The following ERAP1 variants were observed in gnomAD, a reference collection of about 807,000 sequenced individuals.
The protein encoded by ERAP1 is adipocyte-derived leucine aminopeptidase.
ERAP1 carries 86 observed loss-of-function variants against 103.7 expected under a neutral mutation model. The observed-to-expected ratio is 0.83, with a 90% CI of 0.70 to 0.99. The LOEUF is 0.99. Ranked by LOEUF, ERAP1 falls within the 50% of genes least tolerant of loss-of-function variation. The pLI is 0.00. For synonymous variants in ERAP1, 398 were observed against 402.4 expected (o/e 0.99, Z 0.13); for missense variants, 1,009 against 1,128.4 (o/e 0.89, Z 1.52).
intron 13 of ERAP1, 79 bp from the exon 14 acceptor site, chr5:96,784,159 C>T (rs965937255): frequency 5.0e-5 from 73 of 1,448,680 alleles, no homozygotes; most frequent in Admixed American, 2.9e-4. Context: ...ATATTTTAAT[C>T]TTCTAGCAAA....
At chr5:96,791,723 C>T (rs1776752508) in intron 8 of ERAP1, among the ~76,000 whole-genome samples, 1 of 152,184 alleles carries the variant, frequency 6.6e-6, no homozygotes, top group Non-Finnish European at 1.5e-5. Flanking sequence ...TGCTGAAGGC[C>T]TTGAAAAGTA....
In ERAP1 at chr5:96,774,995, A is replaced by G. The variant is rs1352406972; in HGVS notation, c.*1401T>C. On this transcript the variant is annotated 3_prime_UTR_variant, in exon 19 of 19. Coordinates refer to ENST00000443439, the MANE Select transcript of ERAP1 (RefSeq NM_001040458.3). ...AGTTCAGTTTGAATTCTCCTTTGCC[A>G]GGTGTGAGGATTTCCGCACCTTAGA... is the stretch of plus-strand genomic sequence containing the variant. 6.1e-6 allele frequency: 6 copies of G among 985,456 alleles called. No homozygotes were observed. The East Asian group carries it at 3.3e-4, about 55-fold the overall frequency. 61.0% of individuals were successfully genotyped at this position (985,456 alleles called of 1,614,324 possible).
At chr5:96,769,274 T>G (rs1375084022) in intron 19 of ERAP1, 2 of 152,186 alleles carry the variant, frequency 1.3e-5, no homozygotes, top group African/African-American at 4.8e-5. Context: ...CCCTGGTAAC[T>G]CGTAAGTAAT....
At position 96,783,164 on chromosome 5, in the gene ERAP1, C is replaced by T. The variant is rs1775464866; in HGVS notation, c.2172G>A (p.Glu724=). The T allele has an allele frequency of 1.2e-6, 2 of 1,614,086 alleles. No homozygotes were observed. The highest frequency in any genetic ancestry group is 1.7e-6 in the Non-Finnish European group (2 of 1,180,042). Residue 724 remains glutamate (E), a synonymous_variant, in exon 15 of 19, where the codon GAG becomes GAA. Coordinates refer to ENST00000443439, the MANE Select transcript of ERAP1 (RefSeq NM_001040458.3). ...QTWTDEGSVS[E]RMLRSQLLLL... ...GTAGTAGTTGACTCCGCAGCATTCGCTCTGAGACTGAGCCCTCGTCTGTCC... is the reference window on the plus strand; with the variant it reads ...GTAGTAGTTGACTCCGCAGCATTCGTTCTGAGACTGAGCCCTCGTCTGTCC...
At chr5:96,831,412 T>C in the ERAP1 span, among the ~76,000 whole-genome samples, 21,308 of 152,180 alleles carry the variant, frequency 0.14, 1,609 homozygotes, top group Middle Eastern at 0.24. Context: ...ATCCAAATCA[T>C]ATCACTGGCA....
Position 96,785,883 on chromosome 5 carries a change from T to A in ERAP1, c.1848A>T (p.Gly616=). The A allele has an allele frequency of 6.2e-7, 1 of 1,614,140 alleles. No homozygotes were observed. Among genetic ancestry groups the A allele is most frequent in the Non-Finnish European group, 8.5e-7 (1 of 1,180,012 alleles). The change falls in exon 13 of 19, where the codon GGA becomes GGT. Residue 616 remains glycine, a synonymous_variant. Transcript: ENST00000443439. ...TTAAAAGGCCAGTCAAAGAGTCCCA[T>A]CCATCATCCTCGTAATGCACAATGT... ...GYYIVHYEDD[G]WDSLTGLLKG...
At chr5:96,840,694 CT>C in the ERAP1 span, among the ~76,000 whole-genome samples, 125 of 135,356 alleles carry the variant, frequency 9.2e-4, no homozygotes, top group African/African-American at 3.0e-3. Flanking sequence ...AGGCATTGGA[CT>C]TTTTTTTTCT....
chr5:96,908,748 C>T, the ERAP1 span, among the ~76,000 whole-genome samples: 1 of 152,094 alleles, frequency 6.6e-6, no homozygotes, highest in Non-Finnish European at 1.5e-5. Flanking sequence ...ATTATTATCC[C>T]CATTGTATAA....
chr5:96,776,397 T>TA lies in ERAP1; in HGVS notation c.2824dup (p.Ter942LeufsTer13). ...AGGAACCTGGCAAGGGAGGAATTTTTACATACGTTCAAGCTTTTCACTTTG... is the reference window on the plus strand; with the variant it reads ...AGGAACCTGGCAAGGGAGGAATTTTTAACATACGTTCAAGCTTTTCACTTTG... On this transcript the variant is annotated frameshift_variant and stop_lost, in exon 19 of 19. Transcript: ENST00000443439. LOFTEE classifies it high-confidence loss of function. The TA allele has an allele frequency of 6.2e-7, 1 of 1,603,996 alleles. No individual in the cohort carries two copies.
chr5:96,798,323 T>TAA (rs1777583288), intron 3 of ERAP1, among the ~76,000 whole-genome samples: 1 of 29,926 alleles, frequency 3.3e-5, no homozygotes. Context: ...AGACTCCATC[T>TAA]CAAAAAAAAA....
In ERAP1 at chr5:96,797,262, A is replaced by G; in HGVS notation, c.711T>C (p.Asp237=). 2 of 1,614,210 alleles carry G rather than the reference A, an allele frequency of 1.2e-6. No individual in the cohort carries two copies. The highest frequency in any genetic ancestry group is 8.5e-7 in the Non-Finnish European group (1 of 1,180,018). The change falls in exon 4 of 19, where the codon GAT becomes GAC. Residue 237 remains aspartate, a synonymous_variant. Transcript: ENST00000443439. ...GATAGGTGCTCATCTTCACAGTGAC[A>G]TCAAAATGGTCTTCTATGAGTCCTT... ...VAEGLIEDHF[D]VTVKMSTYLV... is the part of the protein sequence containing the mutation.
the ERAP1 span, among the ~76,000 whole-genome samples, chr5:96,862,262 T>C: frequency 6.6e-6 from 1 of 152,216 alleles, no homozygotes; most frequent in Non-Finnish European, 1.5e-5. Context: ...GTGCTGGGAT[T>C]ACAGGCATGA....
chr5:96,814,335 A>G, the ERAP1 span: 2 of 456,314 alleles, frequency 4.4e-6, no homozygotes, highest in Non-Finnish European at 8.8e-6. Context: ...ATTATGCAAG[A>G]GAATGAATAC....
At chr5:96,843,891 A>G in the ERAP1 span, among the ~76,000 whole-genome samples, 4 of 152,200 alleles carry the variant, frequency 2.6e-5, no homozygotes, top group African/African-American at 9.7e-5. Flanking sequence ...TGCAAATCAC[A>G]AAATCTTTGA....
rs372044357 is a variant in ERAP1, at chr5:96,790,554, A to G, written c.1410T>C (p.Tyr470=). 8.7e-6 allele frequency: 14 copies of G among 1,613,978 alleles called. No individual in the cohort carries two copies. Among genetic ancestry groups the G allele is most frequent in the South Asian group, 1.1e-5 (1 of 91,082 alleles). ...ACAGGTCCTCGTTTTTTGTATTTTTATAGCTATGCTTCTGGAGATACTGTA... is the reference window on the plus strand; with the variant it reads ...ACAGGTCCTCGTTTTTTGTATTTTTGTAGCTATGCTTCTGGAGATACTGTA... The part of the protein sequence containing the change: ...GIVQYLQKHS[Y]KNTKNEDLWD... Residue 470 remains tyrosine (Y), a synonymous_variant, in exon 9 of 19, where the codon TAT becomes TAC. Coordinates refer to ENST00000443439, the MANE Select transcript of ERAP1 (RefSeq NM_001040458.3).
At chr5:96,846,871 A>T in the ERAP1 span, among the ~76,000 whole-genome samples, 1 of 152,000 alleles carries the variant, frequency 6.6e-6, no homozygotes, top group African/African-American at 2.4e-5. Context: ...TTGTGAACTG[A>T]AGGTTCTATT....
the ERAP1 span, chr5:96,895,319 A>G: frequency 1.9e-6 from 3 of 1,612,774 alleles, no homozygotes; most frequent in Non-Finnish European, 2.5e-6. Context: ...AAATACATGG[A>G]ACTTATCGCT....
the ERAP1 span, among the ~76,000 whole-genome samples, chr5:96,916,412 T>C: frequency 7.9e-5 from 12 of 151,798 alleles, no homozygotes; most frequent in African/African-American, 2.4e-4. Context: ...GGAAGCGTAC[T>C]TAATGATCTT....
At chr5:96,874,138 G>GAAAGAAAGAAAGA in the ERAP1 span, among the ~76,000 whole-genome samples, 11 of 87,404 alleles carry the variant, frequency 1.3e-4, no homozygotes, top group East Asian at 3.7e-3. Context: ...AAGAGAGAGA[G>GAAAGAAAGAAAGA]AAAGAAAGAA....
Sources: allele counts gnomAD v4.1 joint callset (sites outside exome capture counted in the v4.1 genomes callset), GRCh38; gene constraint gnomAD v4.1.1; transcripts MANE v1.5; gene names NCBI Gene and HGNC (gene_info 2026-07-23, HGNC 2026-07-21).